Variants in BAZ1A observed in about 807,000 individuals in gnomAD.
The protein encoded by BAZ1A is bromodomain adjacent to zinc finger domain protein 1A.
In BAZ1A, 50 loss-of-function variants were observed where a neutral mutation model predicts 185.2. The observed-to-expected ratio is 0.27, with a 90% CI of 0.22 to 0.34. The LOEUF is 0.34. Ranked by LOEUF, BAZ1A falls within the 10% of genes least tolerant of loss-of-function variation. The pLI is 1.00. For synonymous variants in BAZ1A, 571 were observed against 615.6 expected, an observed-to-expected ratio of 0.93 and a Z score of 1.07; for missense variants, 1,356 against 1,839.9, an observed-to-expected ratio of 0.74 and a Z score of 4.81.
At chr14:34,858,633 T>C (rs906722015) in intron 3 of BAZ1A, among the ~76,000 whole-genome samples, 3 of 152,006 alleles carry the variant, frequency 2.0e-5, no homozygotes, top group African/African-American at 7.2e-5. Context: ...AAAAAATTTT[T>C]ATCAAGAATG....
At position 34,829,095 on chromosome 14, in the gene BAZ1A, G is replaced by A. The variant is rs576281768; in HGVS notation, c.393-2939C>T. On this transcript the variant is annotated intron_variant, in intron 3 of 26. Coordinates refer to ENST00000360310, the MANE Select transcript of BAZ1A (RefSeq NM_013448.3). Reference sequence around the variant, plus strand: ...AGCTTGGCCAACATGGCGAAACCCTGTCTCTACTAAAAATACAAAAATTAG... The same window carrying A: ...AGCTTGGCCAACATGGCGAAACCCTATCTCTACTAAAAATACAAAAATTAG... 3.3e-5 allele frequency among the ~76,000 whole-genome samples: 5 copies of A among 152,140 alleles called. No individual in the cohort carries two copies. In the East Asian group the frequency reaches 5.8e-4, roughly 18 times the overall value.
At chr14:34,841,676 C>T (rs1310500219) in intron 3 of BAZ1A, among the ~76,000 whole-genome samples, 2 of 152,182 alleles carry the variant, frequency 1.3e-5, no homozygotes, top group South Asian at 2.1e-4. Flanking sequence ...GGTGAGCCAC[C>T]GCGCCCAGCC....
intron 3 of BAZ1A, among the ~76,000 whole-genome samples, chr14:34,832,215 C>CACATATATATATATATATATATAT: frequency 3.2e-4 from 29 of 89,682 alleles, no homozygotes; most frequent in African/African-American, 6.0e-4. Flanking sequence ...CACACACACA[C>CACATATATATATATATATATATAT]ATATATATAT....
At chr14:34,811,536 G>C (rs1200395) in intron 4 of BAZ1A, among the ~76,000 whole-genome samples, 40,172 of 151,804 alleles carry the variant, frequency 0.26, 5,704 homozygotes, top group Admixed American at 0.37. Context: ...TCAAAGCTGA[G>C]TGCAGCCTCA....
At chr14:34,827,761 T>C (rs1200402) in intron 3 of BAZ1A, among the ~76,000 whole-genome samples, 39,155 of 151,092 alleles carry the variant, frequency 0.26, 5,898 homozygotes, top group Middle Eastern at 0.35. Flanking sequence ...GAAAGTCATA[T>C]ATTGGCACAA....
chr14:34,783,815 G>A lies in BAZ1A; in HGVS notation c.1944C>T (p.Phe648=). The change falls in exon 15 of 27, where the codon TTC becomes TTT. Residue 648 remains phenylalanine (F), a synonymous_variant. Coordinates refer to ENST00000360310, the MANE Select transcript of BAZ1A (RefSeq NM_013448.3). ...GATGTTGTTCTGCTTTTAATTCCCG[G>A]AACTCCTGCTTTGCCTGTCGTAATA... is the stretch of plus-strand genomic sequence containing the variant. ...VDILRQAKQE[F]RELKAEQHRK... is the part of the protein sequence containing the mutation. 6.2e-7 allele frequency: 1 copy of A among 1,612,932 alleles called. No homozygotes were observed. Among genetic ancestry groups the A allele is most frequent in the South Asian group, 1.1e-5 (1 of 90,868 alleles).
In BAZ1A at chr14:34,798,889, T is replaced by C. The variant is rs1416634929; in HGVS notation, c.1128+1335A>G. Among the ~76,000 whole-genome samples the C allele has an allele frequency of 2.6e-5, 4 of 152,188 alleles. No individual in the cohort carries two copies. The South Asian group carries it at 6.2e-4, about 24-fold the overall frequency. ...CCCAGCGATCCCATTACTGGGTATA[T>C]ACCCAAAGGATTATAAATCATTCTA... On this transcript the variant is annotated intron_variant, in intron 9 of 26. Coordinates refer to ENST00000360310, the MANE Select transcript of BAZ1A (RefSeq NM_013448.3).
rs562614910 is a variant in BAZ1A, at chr14:34,789,735, A to C, written c.1510+3040T>G. On this transcript the variant is annotated intron_variant, in intron 12 of 26. Transcript: ENST00000360310. The stretch of plus-strand genomic sequence containing the variant: ...TGGTGGTCAAAATCTCTCAGGTTTG[A>C]TATAAAAACAGGGAGACCAAGGGCC... Among the ~76,000 whole-genome samples the C allele has an allele frequency of 2.6e-5, 4 of 152,354 alleles. No individual in the cohort carries two copies. In the South Asian group the frequency reaches 8.3e-4, roughly 32 times the overall value.
chr14:34,785,004 C>T (rs1271734595), intron 14 of BAZ1A, among the ~76,000 whole-genome samples: 1 of 152,098 alleles, frequency 6.6e-6, no homozygotes, highest in Non-Finnish European at 1.5e-5. Flanking sequence ...TACAGGTGCA[C>T]AGCACCACAC....
At chr14:34,873,079 C>G (rs1483950207) in intron 2 of BAZ1A, among the ~76,000 whole-genome samples, 1 of 152,160 alleles carries the variant, frequency 6.6e-6, no homozygotes, top group Admixed American at 6.5e-5. Flanking sequence ...TACTCTACTT[C>G]TCTGGATATA....
intron 21 of BAZ1A, among the ~76,000 whole-genome samples, chr14:34,769,288 T>C (rs1879055423): frequency 6.6e-6 from 1 of 152,160 alleles, no homozygotes; most frequent in Non-Finnish European, 1.5e-5. Flanking sequence ...TTCTAATAAC[T>C]TTTTATGGAG....
chr14:34,848,662 C>A (rs890254465), intron 3 of BAZ1A, among the ~76,000 whole-genome samples: 1 of 152,142 alleles, frequency 6.6e-6, no homozygotes, highest in African/African-American at 2.4e-5. Flanking sequence ...GAACCATAGT[C>A]TCATGCTCAC....
chr14:34,870,006 G>C (rs1002370905), intron 2 of BAZ1A, among the ~76,000 whole-genome samples: 8 of 152,138 alleles, frequency 5.3e-5, no homozygotes, highest in Non-Finnish European at 1.2e-4. Context: ...CTAGCCTCCA[G>C]CTGACTGCAG....
At chr14:34,856,567 C>T (rs1476453844) in intron 3 of BAZ1A, among the ~76,000 whole-genome samples, 3 of 151,972 alleles carry the variant, frequency 2.0e-5, no homozygotes, top group African/African-American at 7.3e-5. Flanking sequence ...CTGTAAGAAG[C>T]AATTATGAGG....
In BAZ1A at chr14:34,776,173, C is replaced by A; in HGVS notation, c.2579G>T (p.Gly860Val). 6.2e-7 allele frequency: 1 copy of A among 1,614,114 alleles called. No homozygotes were observed. The highest frequency in any genetic ancestry group is 1.1e-5 in the South Asian group (1 of 91,078). Residue 860 changes from glycine to valine, a missense_variant, in exon 18 of 27, where the codon GGA becomes GTA. Coordinates refer to ENST00000360310, the MANE Select transcript of BAZ1A (RefSeq NM_013448.3). ...SQDPQVSTKT[G>V]EPLMSESTSN... ...GGTAGATTCAGACATCAAAGGCTCT[C>A]CAGTTTTAGTGGATACCTGAGGATC...
At chr14:34,810,157 CA>C (rs1251310235) in intron 5 of BAZ1A, among the ~76,000 whole-genome samples, 1 of 151,996 alleles carries the variant, frequency 6.6e-6, no homozygotes. Context: ...AGAACATAAG[CA>C]AAAATTATTT....
At chr14:34,844,790 C>G (rs772893090) in intron 3 of BAZ1A, among the ~76,000 whole-genome samples, 2 of 147,878 alleles carry the variant, frequency 1.4e-5, no homozygotes, top group African/African-American at 5.1e-5. Flanking sequence ...CACACACACA[C>G]ACACACACAC....
In BAZ1A at chr14:34,780,188, C is replaced by G. The variant is rs1879943526; in HGVS notation, c.2234G>C (p.Arg745Thr). ...CCCTAAAGAAATTTCAGTATTACCCCTTCTGCCTCTTTTATGTGATCCTGG... is the reference window on the plus strand; with the variant it reads ...CCCTAAAGAAATTTCAGTATTACCCGTTCTGCCTCTTTTATGTGATCCTGG... ...DDPGSHKRGRRGKRGQNGFKE... is the reference protein window; with the variant it reads ...DDPGSHKRGRTGKRGQNGFKE... Residue 745 changes from arginine (R) to threonine (T), a missense_variant and splice_region_variant, in exon 17 of 27, where the codon AGG becomes ACG. By Grantham distance (71) the Arg-to-Thr change is moderately conservative (BLOSUM62 -1). Around this residue, in one of 7 missense-constraint regions of BAZ1A, gnomAD observed 434 missense variants for 561.7 expected, o/e 0.77. Coordinates refer to ENST00000360310, the MANE Select transcript of BAZ1A (RefSeq NM_013448.3). The G allele has an allele frequency of 1.2e-6, 2 of 1,612,734 alleles. No homozygotes were observed. The highest frequency in any genetic ancestry group is 2.2e-5 in the East Asian group (1 of 44,744).
Position 34,761,797 on chromosome 14 carries a change from C to G in BAZ1A, c.4203G>C (p.Glu1401Asp). 6.2e-7 allele frequency: 1 copy of G among 1,614,146 alleles called. No homozygotes were observed. The highest frequency in any genetic ancestry group is 8.5e-7 in the Non-Finnish European group (1 of 1,179,992). Reference sequence around the variant, plus strand: ...TTCTGCATCTTCTTTTGGATTCACTCTCTTGGAGAGAAAGTTTTGAAGCAA... The same window carrying G: ...TTCTGCATCTTCTTTTGGATTCACTGTCTTGGAGAGAAAGTTTTGAAGCAA... ...VNIASKLSLQ[E>D]SESKRRCRKR... The change falls in exon 24 of 27, where the codon GAG becomes GAC. Residue 1401 changes from glutamate to aspartate, a missense_variant. This residue lies in a region of BAZ1A where 309 missense variants were observed against 355.3 expected (regional missense o/e 0.87). Transcript: ENST00000360310.
Sources: allele counts gnomAD v4.1 joint callset (sites outside exome capture counted in the v4.1 genomes callset), GRCh38; gene constraint gnomAD v4.1.1; regional missense constraint gnomAD v4.1.1; transcripts MANE v1.5; gene names NCBI Gene and HGNC (gene_info 2026-07-23, HGNC 2026-07-21).